The following DGKH variants were observed in gnomAD, a reference collection of about 807,000 sequenced individuals.
The protein encoded by DGKH is DAG kinase eta.
DGKH carries 90 observed loss-of-function variants against 159.3 expected under a neutral mutation model. That is an observed-to-expected ratio of 0.57 (90% CI 0.48 to 0.67). The LOEUF (loss-of-function observed/expected upper bound fraction) is 0.67, where lower values mean the gene tolerates loss of function less well. Among genes scored for constraint, DGKH ranks in the 30% least tolerant of loss-of-function variants. The probability of loss-of-function intolerance (pLI) is 0.00; values close to 1 mark genes in which losing one functional copy is unlikely to be tolerated. For synonymous variants in DGKH, 536 were observed against 553.8 expected, an observed-to-expected ratio of 0.97 and a Z score of 0.45; for missense variants, 1,181 against 1,506.1, an observed-to-expected ratio of 0.78 and a Z score of 3.57.
At chr13:42,216,548 C>T (rs979740800) in intron 26 of DGKH, 1 of 152,190 alleles carries the variant, frequency 6.6e-6, no homozygotes, top group Non-Finnish European at 1.5e-5. Flanking sequence ...AGGTGCATCC[C>T]ACAGCCTTGC....
intron 26 of DGKH, among the ~76,000 whole-genome samples, chr13:42,217,127 T>TTA (rs1957820421): frequency 1.3e-5 from 2 of 152,234 alleles, no homozygotes; most frequent in Admixed American, 6.5e-5. Context: ...TGATTGTATT[T>TTA]GAGAGCAACT....
Position 42,040,846 on chromosome 13 carries a change from TGCGCGCCC to T in DGKH, c.-13+722_-13+729del, listed in dbSNP as rs1230427729. 8.9e-5 allele frequency among the ~76,000 whole-genome samples: 13 copies of T among 146,288 alleles called. No homozygotes were observed. The East Asian group carries it at 2.6e-3, about 30-fold the overall frequency. ...AGCGGCGGCGGCGGGGACCCGGGTCTGCGCGCCCGGGCGGCCGGCGGGCGCGGGCTGGC... is the reference window on the plus strand; with the variant it reads ...AGCGGCGGCGGCGGGGACCCGGGTCTGGGCGGCCGGCGGGCGCGGGCTGGC... On this transcript the variant is annotated intron_variant, in intron 1 of 29. Coordinates refer to the DGKH transcript ENST00000379274.
At chr13:42,168,936 C>T (rs1956375112) in intron 11 of DGKH, 118 bp downstream of exon 11, 1 of 1,154,318 alleles carries the variant, frequency 8.7e-7, no homozygotes, top group Non-Finnish European at 1.2e-6. Flanking sequence ...TCCACGAAGG[C>T]AGAGCCTTCC....
At chr13:42,149,348 T>C (rs1175420870) in intron 3 of DGKH, among the ~76,000 whole-genome samples, 2 of 152,168 alleles carry the variant, frequency 1.3e-5, no homozygotes, top group Non-Finnish European at 2.9e-5. Flanking sequence ...AAAGCATAAA[T>C]ACAGTTCAGA....
intron 1 of DGKH, among the ~76,000 whole-genome samples, chr13:42,085,407 G>T (rs1240789291): frequency 6.6e-6 from 1 of 152,150 alleles, no homozygotes. Context: ...AATACACTCT[G>T]AGATACATTG....
At chr13:42,122,896 A>C (rs1025786561) in intron 1 of DGKH, among the ~76,000 whole-genome samples, 4 of 152,244 alleles carry the variant, frequency 2.6e-5, no homozygotes, top group African/African-American at 9.6e-5. Flanking sequence ...GGAGTTAAAC[A>C]TGAATTTACA....
intron 30 of DGKH, among the ~76,000 whole-genome samples, chr13:42,253,396 C>T (rs1161498195): frequency 6.6e-6 from 1 of 152,120 alleles, no homozygotes; most frequent in African/African-American, 2.4e-5. Flanking sequence ...CAGCCATTGC[C>T]TTGATCTTGG....
At chr13:42,095,029 G>A (rs1374443435) in intron 1 of DGKH, among the ~76,000 whole-genome samples, 1 of 152,082 alleles carries the variant, frequency 6.6e-6, no homozygotes, top group African/African-American at 2.4e-5. Context: ...GATATGAAGG[G>A]GCCATGGAAG....
rs74857232 is a variant in DGKH at position 42,180,249 on chromosome 13, C to G, written c.1538+2029C>G. On this transcript the variant is annotated intron_variant, in intron 13 of 29. Coordinates refer to ENST00000337343, the MANE Select transcript of DGKH (RefSeq NM_178009.5). ...AGAAAGACAATAGGGAGTGCTAAAG[C>G]CTGGGACAAACTGGAGATTTGTCCA... 6.3e-3 allele frequency among the ~76,000 whole-genome samples: 959 copies of G among 152,306 alleles called. 11 individuals carry two copies. The highest frequency in any genetic ancestry group is 0.022 in the African/African-American group (917 of 41,558).
chr13:42,150,113 T>C (rs1307847203), intron 3 of DGKH, among the ~76,000 whole-genome samples: 1 of 152,236 alleles, frequency 6.6e-6, no homozygotes, highest in African/African-American at 2.4e-5. Flanking sequence ...CATAGCTATG[T>C]ATTATATAGT....
At chr13:42,136,890 T>C (rs6561037) in intron 3 of DGKH, among the ~76,000 whole-genome samples, 1 of 151,976 alleles carries the variant, frequency 6.6e-6, no homozygotes, top group Non-Finnish European at 1.5e-5. Context: ...ATTAGATTAT[T>C]ATTCTTTCTA....
chr13:42,138,361 A>G (rs1594077744), intron 3 of DGKH, among the ~76,000 whole-genome samples: 2 of 128,726 alleles, frequency 1.6e-5, no homozygotes, highest in African/African-American at 5.1e-5. Context: ...CAGTGTGTGC[A>G]TGTGAGAGGG....
chr13:42,209,716 C>T (rs1957590928), intron 23 of DGKH, among the ~76,000 whole-genome samples: 3 of 152,020 alleles, frequency 2.0e-5, no homozygotes, highest in African/African-American at 4.8e-5. Flanking sequence ...ACTTCCTCCT[C>T]CCCCTTCTTC....
chr13:42,134,179 G>C (rs1416806922), intron 3 of DGKH, among the ~76,000 whole-genome samples: 1 of 152,188 alleles, frequency 6.6e-6, no homozygotes, highest in Non-Finnish European at 1.5e-5. Flanking sequence ...TAGAGATCAG[G>C]GCAGTGATTG....
At chr13:42,217,523 A>G (rs936430646) in intron 26 of DGKH, among the ~76,000 whole-genome samples, 16 of 152,000 alleles carry the variant, frequency 1.1e-4, no homozygotes, top group Non-Finnish European at 1.8e-4. Context: ...GATTACAGGC[A>G]TGAGCCACTG....
Position 42,195,001 on chromosome 13 carries a change from A to G in DGKH, c.2152A>G (p.Arg718Gly). 2 of 1,613,972 alleles carry G rather than the reference A, an allele frequency of 1.2e-6. No individual in the cohort carries two copies. The highest frequency in any genetic ancestry group is 1.1e-5 in the South Asian group (1 of 91,048). The change falls in exon 17 of 30, where the codon AGA (arginine) becomes GGA (glycine). Residue 718 changes from arginine (R) to glycine (G), a missense_variant. Arg to Gly is a moderately radical substitution (Grantham distance 125). This residue lies in a region of DGKH where 257 missense variants were observed against 281.5 expected (regional missense o/e 0.91). Coordinates refer to ENST00000337343, the MANE Select transcript of DGKH (RefSeq NM_178009.5). ...AGAAAACCTCCCTGTGCTCAATACCAGAATAATCTGCCCAGGTAGTACAGA... is the reference window on the plus strand; with the variant it reads ...AGAAAACCTCCCTGTGCTCAATACCGGAATAATCTGCCCAGGTAGTACAGA... Reference protein sequence around the residue: ...SKENLPVLNTRIICPGLRAGL... With the variant: ...SKENLPVLNTGIICPGLRAGL...
At chr13:42,086,964 G>A (rs968639129) in intron 1 of DGKH, among the ~76,000 whole-genome samples, 2 of 152,076 alleles carry the variant, frequency 1.3e-5, no homozygotes, top group African/African-American at 2.4e-5. Context: ...GATCTGCTGT[G>A]TCGGCCTGAG....
In DGKH at chr13:42,234,328, C is replaced by T. The variant is rs1021862000; in HGVS notation, c.*5140C>T. Reference sequence around the variant, plus strand: ...AACAGGAATCAAGGAAGAAAATATTCATGCAGAGCTATGACTTAGAAAGTT... The same window carrying T: ...AACAGGAATCAAGGAAGAAAATATTTATGCAGAGCTATGACTTAGAAAGTT... On this transcript the variant is annotated 3_prime_UTR_variant, in exon 30 of 30. Transcript: ENST00000337343. 2.6e-5 allele frequency: 4 copies of T among 152,144 alleles called. No homozygotes were observed. The highest frequency in any genetic ancestry group is 5.9e-5 in the Non-Finnish European group (4 of 68,020). 9.4% of individuals were successfully genotyped at this position (152,144 alleles called of 1,614,324 possible).
chr13:42,069,940 G>T, intron 1 of DGKH: 1 of 724,060 alleles, frequency 1.4e-6, no homozygotes, highest in Non-Finnish European at 2.4e-6. Flanking sequence ...ATCAGACAGA[G>T]CTCTTGGATT....
Sources: gnomAD v4.1 joint callset for allele counts (sites outside exome capture counted in the v4.1 genomes callset) on GRCh38, gnomAD v4.1.1 for gene constraint, gnomAD v4.1.1 regional missense constraint, MANE v1.5 for transcripts, NCBI Gene and HGNC (gene_info 2026-07-23, HGNC 2026-07-21) for gene names.